The following HM13 variants were observed in gnomAD, a reference collection of about 807,000 sequenced individuals.
HM13 encodes the protein histocompatibility minor 13.
A neutral mutation model predicts 50.0 loss-of-function variants in HM13; 18 were observed. The ratio of observed to expected loss-of-function variants is 0.36; its 90% CI spans 0.25 to 0.53. HM13 has a LOEUF of 0.53. Among genes scored for constraint, HM13 ranks in the 20% least tolerant of loss-of-function variants. HM13 has a pLI of 0.90. For missense variants in HM13, 393 were observed against 552.4 expected (o/e 0.71, Z 2.89); for synonymous variants, 197 against 232.6 (o/e 0.85, Z 1.39).
At chr20:31,546,326 G>A (rs1983715214) in intron 4 of HM13, among the ~76,000 whole-genome samples, 2 of 152,114 alleles carry the variant, frequency 1.3e-5, no homozygotes, top group Non-Finnish European at 2.9e-5. Flanking sequence ...GTGAGCCACC[G>A]CGCCCGGCCG....
chr20:31,558,585 C>T (rs1212301147), intron 8 of HM13, among the ~76,000 whole-genome samples: 2 of 152,032 alleles, frequency 1.3e-5, no homozygotes, highest in African/African-American at 4.8e-5. Context: ...AGAAGCCTTC[C>T]TTCTTTCCCC....
chr20:31,545,072 G>T (rs761023365), intron 4 of HM13, 37 bp downstream of exon 4: 11 of 1,502,532 alleles, frequency 7.3e-6, no homozygotes, highest in Non-Finnish European at 9.3e-6. Context: ...GTGTGCCTTG[G>T]GTGTCTTCCT....
At chr20:31,515,834 C>G (rs1451428397) in intron 1 of HM13, among the ~76,000 whole-genome samples, 1 of 152,212 alleles carries the variant, frequency 6.6e-6, no homozygotes, top group Admixed American at 6.5e-5. Context: ...TTAATCTGCA[C>G]CTTCCCGATG....
chr20:31,516,674 G>GT (rs1981801338), intron 1 of HM13, among the ~76,000 whole-genome samples: 1 of 152,158 alleles, frequency 6.6e-6, no homozygotes, highest in South Asian at 2.1e-4. Flanking sequence ...ATAGTGGAAG[G>GT]TTTGGTGTGG....
intron 2 of HM13, among the ~76,000 whole-genome samples, chr20:31,537,521 G>A (rs1030664735): frequency 6.6e-6 from 1 of 152,186 alleles, no homozygotes; most frequent in Non-Finnish European, 1.5e-5. Flanking sequence ...ATTCATCAGG[G>A]ATGCAGCAAA....
At chr20:31,566,531 C>G (rs1984926327) in intron 11 of HM13, among the ~76,000 whole-genome samples, 1 of 152,162 alleles carries the variant, frequency 6.6e-6, no homozygotes, top group Non-Finnish European at 1.5e-5. Context: ...TAGGCATCCC[C>G]CATCCAAATG....
intron 9 of HM13, 21 bp from the exon 10 acceptor site, chr20:31,561,611 CTT>C: frequency 6.5e-7 from 1 of 1,531,608 alleles, no homozygotes; most frequent in Non-Finnish European, 9.1e-7. Flanking sequence ...CCCTCCTCCT[CTT>C]TCTTCACACC....
chr20:31,566,479 C>G (rs1182939296), intron 11 of HM13, among the ~76,000 whole-genome samples, 184 bp downstream of exon 11: 1 of 152,086 alleles, frequency 6.6e-6, no homozygotes, highest in African/African-American at 2.4e-5. Context: ...GGAACCTTAC[C>G]CTGGGCCAGG....
chr20:31,527,350 A>AT, intron 1 of HM13, 134 bp from the exon 2 acceptor site: 1 of 618,670 alleles, frequency 1.6e-6, no homozygotes, highest in Non-Finnish European at 2.8e-6. Context: ...AAAAAAAAAA[A>AT]TGGCAAGATC....
At chr20:31,569,055 A>G in intron 12 of HM13, 65 bp from the exon 13 acceptor site, 1 of 1,185,906 alleles carries the variant, frequency 8.4e-7, no homozygotes, top group Non-Finnish European at 1.2e-6. Context: ...GAAGGGGACA[A>G]CCAAGGTTCT....
chr20:31,568,888 G>C (rs560040016), intron 12 of HM13, among the ~76,000 whole-genome samples: 2 of 152,306 alleles, frequency 1.3e-5, no homozygotes, highest in Non-Finnish European at 2.9e-5. Context: ...TGCTGCCCTT[G>C]CTGCCTCCTG....
intron 2 of HM13, among the ~76,000 whole-genome samples, chr20:31,529,510 G>T (rs982275025): frequency 6.6e-6 from 1 of 152,170 alleles, no homozygotes; most frequent in Non-Finnish European, 1.5e-5. Flanking sequence ...CTTGTAAAGT[G>T]CTGGTATTAC....
At chr20:31,558,202 G>C (rs1346675511) in intron 8 of HM13, among the ~76,000 whole-genome samples, 1 of 152,142 alleles carries the variant, frequency 6.6e-6, no homozygotes, top group Non-Finnish European at 1.5e-5. Flanking sequence ...CTTACAATTG[G>C]CTTGGTTTTC....
At position 31,514,506 on chromosome 20, in the gene HM13, G is replaced by GGA. The variant is rs769994390; in HGVS notation, c.-46_-45insGA. 4.3e-5 allele frequency: 67 copies of GGA among 1,575,942 alleles called. 1 individual carries two copies. The Admixed American group carries it at 8.8e-4, about 21-fold the overall frequency. The stretch of plus-strand genomic sequence containing the variant: ...AGCCGGTGTCTCCGCCTGCGTCCCT[G>GGA]CTGCAGCAACCGGAGCTGGAGTCGG... On this transcript the variant is annotated 5_prime_UTR_variant, in exon 1 of 13. Coordinates refer to ENST00000398174, the MANE Select transcript of HM13 (RefSeq NM_178581.3). The surrounding 1 kb of genome is among the most constrained non-coding windows in gnomAD (Gnocchi z 4.3).
intron 1 of HM13, among the ~76,000 whole-genome samples, chr20:31,515,985 C>A (rs964662344): frequency 3.3e-5 from 5 of 152,210 alleles, no homozygotes; most frequent in Non-Finnish European, 5.9e-5. Flanking sequence ...GTAGCTGAGG[C>A]CTGCCATCTT....
intron 1 of HM13, among the ~76,000 whole-genome samples, chr20:31,523,055 T>C (rs76748137): frequency 1.6e-5 from 2 of 128,194 alleles, no homozygotes; most frequent in African/African-American, 3.2e-5. Context: ...GGAGGGGGGC[T>C]TTTTTTTTTT....
rs1984225449 is a variant in HM13 at position 31,554,849 on chromosome 20, G to A, written c.808+20G>A. ...TTCCAGGTGAGCCTGCTGGTGTGGG[G>A]GCTATGTGAAAGGGGTGGAGAGGGT... is the stretch of plus-strand genomic sequence containing the variant. On this transcript the variant is annotated intron_variant, in intron 8 of 12. Transcript: ENST00000398174. 6.2e-7 allele frequency: 1 copy of A among 1,603,432 alleles called. No individual in the cohort carries two copies. Among genetic ancestry groups the A allele is most frequent in the Non-Finnish European group, 8.5e-7 (1 of 1,170,348 alleles).
intron 3 of HM13, among the ~76,000 whole-genome samples, chr20:31,542,241 T>C (rs1194855158): frequency 6.6e-6 from 1 of 152,216 alleles, no homozygotes; most frequent in Non-Finnish European, 1.5e-5. Context: ...CCTTGTGTAG[T>C]CACCAAGATT....
intron 10 of HM13, 120 bp from the exon 11 acceptor site, chr20:31,566,090 C>G (rs1984890639): frequency 1.5e-6 from 1 of 672,144 alleles, no homozygotes; most frequent in Admixed American, 2.9e-5. Context: ...CACTGACTTG[C>G]TATGGTCCTG....
Sources: gnomAD v4.1 joint callset for allele counts (sites outside exome capture counted in the v4.1 genomes callset) on GRCh38, gnomAD v4.1.1 for gene constraint, Gnocchi (gnomAD v3.1) non-coding constraint, MANE v1.5 for transcripts, NCBI Gene and HGNC (gene_info 2026-07-23, HGNC 2026-07-21) for gene names.